Variants in SATB2 observed in about 807,000 individuals in gnomAD.
The protein encoded by SATB2 is DNA-binding protein SATB2.
SATB2 carries 1 observed loss-of-function variant against 73.4 expected under a neutral mutation model. The observed-to-expected ratio is 0.01, with a 90% CI of 0.00 to 0.06. The LOEUF is 0.06. Among genes scored for constraint, SATB2 ranks in the 10% least tolerant of loss-of-function variants. SATB2 has a pLI of 1.00. For synonymous variants in SATB2, 397 were observed against 367.0 expected (o/e 1.08, Z -0.93); for missense variants, 459 against 945.8 (o/e 0.49, Z 6.75).
rs1692308600 is a variant in SATB2 at position 199,457,208 on chromosome 2, G to A, written c.-60+131C>T. On this transcript the variant is annotated intron_variant, in intron 1 of 10. Coordinates refer to ENST00000417098, the MANE Select transcript of SATB2 (RefSeq NM_001172509.2). This position sits in a 1 kb window ranked among gnomAD's most constrained non-coding sequence, Gnocchi z 4.8. Reference sequence around the variant, plus strand: ...AAGACACGGAGCAGGAGGGCTGAGGGCGAGGCTTCCGCCTGCATTCCCCGA... The same window carrying A: ...AAGACACGGAGCAGGAGGGCTGAGGACGAGGCTTCCGCCTGCATTCCCCGA... 1 of 152,376 alleles carries A rather than the reference G, an allele frequency of 6.6e-6. No individual in the cohort carries two copies. The highest frequency in any genetic ancestry group is 2.4e-5 in the African/African-American group (1 of 41,464). The allele number at this position is 152,376 out of a possible 1,614,324, so 9.4% of individuals were successfully genotyped here.
rs561142341 is a variant in SATB2 at position 199,364,864 on chromosome 2, C to T, written c.700+3741G>A. ...ATATATAAAAGATTCTTTATTAAGG[C>T]GTTTTCTTATTTTTATTATATCCCC... On this transcript the variant is annotated intron_variant, in intron 6 of 10. Transcript: ENST00000417098. Among the ~76,000 whole-genome samples the T allele has an allele frequency of 3.0e-4, 46 of 152,052 alleles. No homozygotes were observed. In the South Asian group the frequency reaches 4.6e-3, roughly 15 times the overall value.
intron 9 of SATB2, among the ~76,000 whole-genome samples, chr2:199,311,289 G>C (rs1306249243): frequency 6.6e-6 from 1 of 152,160 alleles, no homozygotes; most frequent in South Asian, 2.1e-4. Context: ...ATGGTATTTA[G>C]AGGGTTATTA....
upstream of SATB2, chr2:199,458,853 C>G: frequency 6.6e-6 from 2 of 301,930 alleles, no homozygotes; most frequent in South Asian, 2.4e-5. Flanking sequence ...ACGTCCCGGC[C>G]CGCCGCGCTT....
chr2:199,466,808 G>T (rs552909075), upstream of SATB2, among the ~76,000 whole-genome samples: 3 of 152,312 alleles, frequency 2.0e-5, no homozygotes, highest in South Asian at 6.2e-4. Context: ...TTTTCTGTCT[G>T]TGTCTCAGTA....
chr2:199,276,285 A>G (rs1230363114), intron 10 of SATB2, among the ~76,000 whole-genome samples: 3 of 152,182 alleles, frequency 2.0e-5, no homozygotes, highest in African/African-American at 2.4e-5. Context: ...TGACTAAATA[A>G]TGTCAACTCT....
At chr2:199,433,601 A>C (rs1328368570) in intron 2 of SATB2, 87 bp from the exon 3 acceptor site, 7 of 1,217,766 alleles carry the variant, frequency 5.7e-6, no homozygotes, top group Admixed American at 5.1e-5. Flanking sequence ...ACAGTTATAA[A>C]AGTCAGTCAT....
chr2:199,309,962 T>A (rs1005224228), intron 9 of SATB2, among the ~76,000 whole-genome samples: 4 of 152,172 alleles, frequency 2.6e-5, no homozygotes, highest in African/African-American at 9.7e-5. Flanking sequence ...AAACCCCATA[T>A]AATATCATAA....
At position 199,334,176 on chromosome 2, in the gene SATB2, T is replaced by A. The variant is rs558776116; in HGVS notation, c.1174-5266A>T. Among the ~76,000 whole-genome samples the A allele has an allele frequency of 2.6e-5, 4 of 152,298 alleles. No individual in the cohort carries two copies. In the South Asian group the frequency reaches 8.3e-4, roughly 32 times the overall value. ...ATGTAAATCTCAAAGACAGCTTAGA[T>A]GTACTTCTGATTCCTATGCTAAAAG... On this transcript the variant is annotated intron_variant, in intron 7 of 10. Coordinates refer to ENST00000417098, the MANE Select transcript of SATB2 (RefSeq NM_001172509.2).
chr2:199,322,855 T>C (rs1366485925), intron 9 of SATB2, among the ~76,000 whole-genome samples: 3 of 152,134 alleles, frequency 2.0e-5, no homozygotes, highest in African/African-American at 7.2e-5. Flanking sequence ...ACAGAAGATT[T>C]GTTAGGGAGA....
At chr2:199,394,335 C>T (rs986710948) in intron 3 of SATB2, among the ~76,000 whole-genome samples, 7 of 152,124 alleles carry the variant, frequency 4.6e-5, no homozygotes, top group Non-Finnish European at 1.0e-4. Context: ...ATTATAAATA[C>T]TAATAAATAC....
chr2:199,386,738 AC>A lies in SATB2; in HGVS notation c.347-4919del, dbSNP rs1689970877. ...CGCGCACACACACACACACACACAC[AC>A]ACACACACACACACACACACACACA... On this transcript the variant is annotated intron_variant, in intron 3 of 10. Transcript: ENST00000417098. 5.5e-5 allele frequency among the ~76,000 whole-genome samples: 8 copies of A among 145,616 alleles called. No individual in the cohort carries two copies. In the South Asian group the frequency reaches 1.3e-3, roughly 23 times the overall value.
chr2:199,458,638 G>C (rs888855500), upstream of SATB2: 3 of 438,720 alleles, frequency 6.8e-6, no homozygotes, highest in Non-Finnish European at 1.4e-5. Context: ...TGCCGCGTCT[G>C]CCGGCGGAGA....
At chr2:199,292,622 T>A (rs753130294) in intron 10 of SATB2, among the ~76,000 whole-genome samples, 41 of 152,356 alleles carry the variant, frequency 2.7e-4, no homozygotes, top group Non-Finnish European at 4.9e-4. Context: ...TCTTGGAATC[T>A]GACTTCCTTT....
chr2:199,391,432 C>CAAAAAAAAA (rs56190034), intron 3 of SATB2, among the ~76,000 whole-genome samples: 3 of 98,586 alleles, frequency 3.0e-5, no homozygotes, highest in African/African-American at 1.2e-4. Flanking sequence ...GACTCCGTCT[C>CAAAAAAAAA]AAAAAAAAAA....
intron 7 of SATB2, chr2:199,346,858 C>CTTTTTTTTTTTTTTTTTTTTTTTTTTTTT (rs540374842): frequency 1.1e-5 from 1 of 88,440 alleles, no homozygotes. Context: ...TTTCACTTAA[C>CTTTTTTTTTTTTTTTTTTTTTTTTTTTTT]TTTTTTTTTT....
chr2:199,448,975 CTA>C (rs1275642049), intron 2 of SATB2, among the ~76,000 whole-genome samples: 1 of 152,128 alleles, frequency 6.6e-6, no homozygotes, highest in Non-Finnish European at 1.5e-5. Flanking sequence ...TTTTCCTGTC[CTA>C]TGTGTCATAA....
intron 10 of SATB2, among the ~76,000 whole-genome samples, chr2:199,294,414 C>A (rs1004627286): frequency 6.6e-6 from 1 of 152,152 alleles, no homozygotes; most frequent in East Asian, 1.9e-4. Flanking sequence ...AACTGACAGA[C>A]CATCCTGATG....
intron 3 of SATB2, among the ~76,000 whole-genome samples, chr2:199,409,715 C>T (rs1207310915): frequency 1.3e-5 from 2 of 151,228 alleles, no homozygotes; most frequent in Non-Finnish European, 2.9e-5. Flanking sequence ...CCACTTACAA[C>T]AAATGCCAAG....
intron 3 of SATB2, among the ~76,000 whole-genome samples, chr2:199,427,327 A>G (rs1691366340): frequency 6.6e-6 from 1 of 152,154 alleles, no homozygotes; most frequent in Admixed American, 6.5e-5. Context: ...GATAACCCAT[A>G]GATTCAAAAA....
Sources: gnomAD v4.1 joint callset for allele counts (sites outside exome capture counted in the v4.1 genomes callset) on GRCh38, gnomAD v4.1.1 for gene constraint, Gnocchi (gnomAD v3.1) non-coding constraint, MANE v1.5 for transcripts, NCBI Gene and HGNC (gene_info 2026-07-23, HGNC 2026-07-21) for gene names.